The following DMD variants were observed in gnomAD, a reference collection of about 807,000 sequenced individuals.
The protein encoded by DMD is mutant dystrophin.
A neutral mutation model predicts 330.1 loss-of-function variants in DMD; 63 were observed. The ratio of observed to expected loss-of-function variants is 0.19; its 90% CI spans 0.16 to 0.24. DMD has a LOEUF of 0.24. DMD is among the 10% of genes least tolerant of loss of function. The pLI is 1.00. For synonymous variants in DMD, 1,223 were observed against 959.8 expected (o/e 1.27, Z -5.07); for missense variants, 3,344 against 2,684.1 (o/e 1.25, Z -5.43).
chrX:31,521,620 T>C (rs1468138501), intron 55 of DMD, among the ~76,000 whole-genome samples: 1 of 112,277 alleles, frequency 8.9e-6, no homozygotes, highest in Non-Finnish European at 1.9e-5. Flanking sequence ...AACTAAGTCA[T>C]GTCCATAGTG....
chrX:31,251,029 C>G lies in DMD; in HGVS notation c.9286+9926G>C, dbSNP rs759114117. Among the ~76,000 whole-genome samples, 6 of 109,307 alleles carry G rather than the reference C, an allele frequency of 5.5e-5. No homozygotes were observed. The East Asian group carries it at 1.4e-3, about 26-fold the overall frequency. The allele number at this position is 109,307 out of a possible 115,157, so 94.9% of individuals were successfully genotyped here. A position where few individuals can be genotyped will look rare whatever the true frequency, so the allele number is the denominator to read the frequency against. Reference sequence around the variant, plus strand: ...CCCGGGAGGCAGAGTTTGCAGTGAGCTAAAATCGCACCACTGCACTCCAGC... The same window carrying G: ...CCCGGGAGGCAGAGTTTGCAGTGAGGTAAAATCGCACCACTGCACTCCAGC... On this transcript the variant is annotated intron_variant, in intron 63 of 78. Coordinates refer to ENST00000357033, the MANE Select transcript of DMD (RefSeq NM_004006.3).
At chrX:31,787,332 T>C (rs775344116) in intron 50 of DMD, among the ~76,000 whole-genome samples, 1 of 111,755 alleles carries the variant, frequency 8.9e-6, no homozygotes, top group South Asian at 3.8e-4. Context: ...GATCATGCCA[T>C]TGCACTCCAG....
Position 31,276,267 on chromosome X carries a change from C to T in DMD, c.9225-15251G>A, listed in dbSNP as rs747723710. ...AGAGACGGGGTTTCACCATGTTGGCCGGGCTGGTGTCGAACTCCTGACCTC... is the reference window on the plus strand; with the variant it reads ...AGAGACGGGGTTTCACCATGTTGGCTGGGCTGGTGTCGAACTCCTGACCTC... On this transcript the variant is annotated intron_variant, in intron 62 of 78. Transcript: ENST00000357033. 1.7e-3 allele frequency among the ~76,000 whole-genome samples: 186 copies of T among 111,595 alleles called. 1 individual carries two copies. In the Middle Eastern group the frequency reaches 0.023, roughly 14 times the overall value.
intron 1 of DMD, among the ~76,000 whole-genome samples, chrX:33,317,730 C>T (rs745385136): frequency 1.8e-5 from 2 of 111,646 alleles, no homozygotes; most frequent in South Asian, 7.5e-4. Flanking sequence ...GTTTCCTATG[C>T]AGACATAGTG....
intron 15 of DMD, among the ~76,000 whole-genome samples, chrX:32,573,241 T>G (rs1366740049): frequency 8.9e-6 from 1 of 112,241 alleles, no homozygotes; most frequent in African/African-American, 3.2e-5. Context: ...TAGAACTTTA[T>G]GAAAGGCTCA....
At chrX:32,818,608 A>T (rs1185786632) in intron 5 of DMD, among the ~76,000 whole-genome samples, 1 of 111,751 alleles carries the variant, frequency 8.9e-6, no homozygotes, top group Non-Finnish European at 1.9e-5. Flanking sequence ...AAAAGTTGAA[A>T]TGTCTTTGAG....
At chrX:31,877,097 G>C (rs750022149) in intron 47 of DMD, among the ~76,000 whole-genome samples, 1 of 111,973 alleles carries the variant, frequency 8.9e-6, no homozygotes, top group South Asian at 3.7e-4. Context: ...AGATGAAAAA[G>C]AGAAAGTTGT....
intron 11 of DMD, among the ~76,000 whole-genome samples, chrX:32,617,002 A>G (rs2057634242): frequency 9.1e-6 from 1 of 110,031 alleles, no homozygotes; most frequent in African/African-American, 3.3e-5. Context: ...CTCAAAAATG[A>G]TTTCTTTAAA....
At chrX:31,491,818 C>T (rs2069332048) in intron 57 of DMD, among the ~76,000 whole-genome samples, 1 of 111,749 alleles carries the variant, frequency 8.9e-6, no homozygotes, top group Non-Finnish European at 1.9e-5. Flanking sequence ...GAAAAGAGTA[C>T]AAGATATGTA....
chrX:33,308,522 T>A (rs1240755383), intron 1 of DMD, among the ~76,000 whole-genome samples: 3 of 111,802 alleles, frequency 2.7e-5, no homozygotes, highest in Non-Finnish European at 5.6e-5. Context: ...TTTCCACAAA[T>A]AACTCTTTAA....
At chrX:32,525,588 T>C (rs1366487159) in intron 17 of DMD, among the ~76,000 whole-genome samples, 1 of 111,902 alleles carries the variant, frequency 8.9e-6, no homozygotes, top group African/African-American at 3.2e-5. Flanking sequence ...CTTATCAATT[T>C]AGCAACTATC....
At chrX:31,370,185 C>A (rs1487000241) in intron 60 of DMD, among the ~76,000 whole-genome samples, 1 of 109,800 alleles carries the variant, frequency 9.1e-6, no homozygotes, top group Non-Finnish European at 1.9e-5. Context: ...AAAGCATGAT[C>A]CATAAAAGGA....
chrX:32,357,658 G>GACAC (rs1177440644), intron 37 of DMD, among the ~76,000 whole-genome samples: 1 of 48,444 alleles, frequency 2.1e-5, no homozygotes, highest in African/African-American at 1.3e-4. Flanking sequence ...TGCATACACA[G>GACAC]ATACACACAC....
At chrX:31,684,343 C>A (rs1426682581) in intron 52 of DMD, among the ~76,000 whole-genome samples, 3 of 111,607 alleles carry the variant, frequency 2.7e-5, no homozygotes, top group Non-Finnish European at 5.6e-5. Flanking sequence ...GGTCAAAAGA[C>A]AAAGATGATG....
chrX:32,586,654 T>C (rs1348202575), intron 13 of DMD, among the ~76,000 whole-genome samples: 6 of 108,187 alleles, frequency 5.5e-5, no homozygotes, highest in Non-Finnish European at 1.1e-4. Flanking sequence ...AAACCAAAAC[T>C]GAAAAAAATC....
chrX:31,959,718 T>C (rs1278529912), intron 45 of DMD, among the ~76,000 whole-genome samples: 1 of 109,517 alleles, frequency 9.1e-6, no homozygotes, highest in Non-Finnish European at 1.9e-5. Context: ...CTATCCCTCA[T>C]ACCCAATCTT....
chrX:32,046,014 G>A (rs927793544), intron 44 of DMD, among the ~76,000 whole-genome samples: 1 of 112,004 alleles, frequency 8.9e-6, no homozygotes, highest in African/African-American at 3.2e-5. Context: ...AAAGGGGCAA[G>A]CAAAGGAAAT....
At chrX:31,388,193 C>A (rs924277259) in intron 60 of DMD, among the ~76,000 whole-genome samples, 1 of 108,115 alleles carries the variant, frequency 9.2e-6, no homozygotes, top group African/African-American at 3.4e-5. Context: ...TTAGTAGAGA[C>A]GGAGTTTCAC....
At chrX:32,084,390 G>C (rs1455624421) in intron 44 of DMD, among the ~76,000 whole-genome samples, 1 of 111,218 alleles carries the variant, frequency 9.0e-6, no homozygotes, top group Non-Finnish European at 1.9e-5. Context: ...TAGGTCCCTG[G>C]TTGGAGTGCC....
Sources: allele counts gnomAD v4.1 joint callset (sites outside exome capture counted in the v4.1 genomes callset), GRCh38; gene constraint gnomAD v4.1.1; transcripts MANE v1.5; gene names NCBI Gene and HGNC (gene_info 2026-07-23, HGNC 2026-07-21).